Variants in KIF13B observed in about 807,000 individuals in gnomAD.
The protein encoded by KIF13B is kinesin-like protein KIF13B.
A neutral mutation model predicts 222.0 loss-of-function variants in KIF13B; 127 were observed. That is an observed-to-expected ratio of 0.57 (90% CI 0.50 to 0.66). The LOEUF (loss-of-function observed/expected upper bound fraction) is 0.66, where lower values mean the gene tolerates loss of function less well. Among genes scored for constraint, KIF13B ranks in the 30% least tolerant of loss-of-function variants. KIF13B has a pLI of 0.00. For missense variants in KIF13B, 2,173 were observed against 2,379.0 expected, an observed-to-expected ratio of 0.91 and a Z score of 1.80; for synonymous variants, 976 against 919.0, an observed-to-expected ratio of 1.06 and a Z score of -1.12.
At chr8:29,153,905 T>C (rs1032119325) in intron 14 of KIF13B, among the ~76,000 whole-genome samples, 1 of 152,152 alleles carries the variant, frequency 6.6e-6, no homozygotes, top group African/African-American at 2.4e-5. Flanking sequence ...TCTGTAAAGC[T>C]ATGGAGCATT....
chr8:29,142,482 A>C (rs756964702), intron 18 of KIF13B, among the ~76,000 whole-genome samples, 179 bp from the exon 19 acceptor site: 10 of 152,154 alleles, frequency 6.6e-5, no homozygotes, highest in Non-Finnish European at 1.2e-4. Context: ...ATACCTTCCT[A>C]CCCAAGTGCA....
chr8:29,080,342 A>AAC (rs1554591454), intron 37 of KIF13B, among the ~76,000 whole-genome samples: 3 of 151,428 alleles, frequency 2.0e-5, no homozygotes, highest in Non-Finnish European at 4.4e-5. Context: ...AAAAAAAAAA[A>AAC]AAAAAAACCA....
intron 2 of KIF13B, among the ~76,000 whole-genome samples, chr8:29,222,523 T>A (rs1814804770): frequency 1.4e-5 from 1 of 70,622 alleles, no homozygotes; most frequent in Middle Eastern, 5.4e-3. Context: ...GACTTTTTTT[T>A]TTTTTTTTTT....
chr8:29,257,650 T>A (rs1816534598), intron 1 of KIF13B, among the ~76,000 whole-genome samples: 1 of 152,042 alleles, frequency 6.6e-6, no homozygotes, highest in Non-Finnish European at 1.5e-5. Context: ...CTACAAAAAA[T>A]ATTGAAATTA....
intron 10 of KIF13B, among the ~76,000 whole-genome samples, chr8:29,168,443 C>G (rs1812097097): frequency 6.6e-6 from 1 of 152,266 alleles, no homozygotes; most frequent in African/African-American, 2.4e-5. Flanking sequence ...CGCCCACACC[C>G]TAGTACTCTC....
chr8:29,126,403 G>A (rs1400757428), intron 26 of KIF13B, 79 bp downstream of exon 26: 5 of 934,242 alleles, frequency 5.4e-6, no homozygotes, highest in Non-Finnish European at 8.4e-6. Context: ...TTAAATAACA[G>A]TATAGCCAGA....
At chr8:29,157,089 T>C (rs1027271787) in intron 13 of KIF13B, among the ~76,000 whole-genome samples, 1 of 151,986 alleles carries the variant, frequency 6.6e-6, no homozygotes, top group Non-Finnish European at 1.5e-5. Flanking sequence ...TTACAGATTT[T>C]TCCTCCAAGG....
intron 2 of KIF13B, among the ~76,000 whole-genome samples, chr8:29,223,374 T>C (rs1814856763): frequency 6.6e-6 from 1 of 150,704 alleles, no homozygotes; most frequent in Non-Finnish European, 1.5e-5. Flanking sequence ...ACATTTTCTG[T>C]ACAAGACAAC....
At chr8:29,240,849 C>T (rs1166943152) in intron 2 of KIF13B, among the ~76,000 whole-genome samples, 2 of 152,204 alleles carry the variant, frequency 1.3e-5, no homozygotes, top group Non-Finnish European at 2.9e-5. Context: ...AACTCTCACG[C>T]ATTGCTGGTG....
Position 29,146,467 on chromosome 8 carries a change from C to A in KIF13B, c.2098G>T (p.Ala700Ser), listed in dbSNP as rs1328066135. ...TCCAGCTCCTCAGCAATGTAATTAG[C>A]TTCTCTCACCAATAGATTGGCCTTA... The part of the protein sequence containing the change: ...IVKANLLVRE[A>S]NYIAEELDKR... Residue 700 changes from alanine to serine, a missense_variant, in exon 18 of 40, where the codon GCT becomes TCT. Ala to Ser is a moderately conservative substitution (Grantham distance 99). Coordinates refer to ENST00000524189, the MANE Select transcript of KIF13B (RefSeq NM_015254.4). 6.2e-7 allele frequency: 1 copy of A among 1,613,616 alleles called. No individual in the cohort carries two copies. The highest frequency in any genetic ancestry group is 8.5e-7 in the Non-Finnish European group (1 of 1,179,702).
chr8:29,160,239 C>T (rs895605926), intron 13 of KIF13B, among the ~76,000 whole-genome samples: 14 of 152,092 alleles, frequency 9.2e-5, no homozygotes, highest in Non-Finnish European at 1.8e-4. Flanking sequence ...ATAACCTATA[C>T]TCTCTCTCTT....
intron 13 of KIF13B, 84 bp from the exon 14 acceptor site, chr8:29,155,940 T>C: frequency 8.8e-7 from 1 of 1,141,526 alleles, no homozygotes; most frequent in Non-Finnish European, 1.3e-6. Flanking sequence ...CCTCTTATAT[T>C]GTCCTATTAC....
intron 35 of KIF13B, among the ~76,000 whole-genome samples, chr8:29,107,435 G>A (rs915743589): frequency 1.3e-5 from 2 of 152,088 alleles, no homozygotes; most frequent in Non-Finnish European, 2.9e-5. Context: ...GGCTGAGGCA[G>A]GAGAATCGCT....
intron 1 of KIF13B, among the ~76,000 whole-genome samples, chr8:29,250,336 C>T (rs1816225700): frequency 6.6e-6 from 1 of 152,200 alleles, no homozygotes. Context: ...CAAATACTGT[C>T]CTTCAGTATT....
intron 36 of KIF13B, among the ~76,000 whole-genome samples, chr8:29,093,794 C>T (rs1335950898): frequency 3.3e-5 from 5 of 151,484 alleles, no homozygotes; most frequent in Non-Finnish European, 5.9e-5. Context: ...ATCATGAGGG[C>T]GACCACTGAA....
chr8:29,075,321 T>G lies in KIF13B; in HGVS notation c.4481A>C (p.Gln1494Pro). The change falls in exon 38 of 40, where the codon CAG becomes CCG. Residue 1494 changes from glutamine (Q) to proline (P), a missense_variant. Physicochemically the swap from Gln to Pro is moderately conservative, Grantham distance 76. Around this residue, in one of 2 missense-constraint regions of KIF13B, gnomAD observed 693 missense variants for 656.2 expected, o/e 1.06. Transcript: ENST00000524189. ...CACCCTGATGTCCGGGCTGGCTGAC[T>G]GCACCATGATGCGGGGCACGGGCTG... ...AHQPVPRIMV[Q>P]SASPDIRVTR... The G allele has an allele frequency of 6.4e-7, 1 of 1,559,624 alleles. No homozygotes were observed. The highest frequency in any genetic ancestry group is 1.4e-5 in the African/African-American group (1 of 73,700).
intron 1 of KIF13B, among the ~76,000 whole-genome samples, chr8:29,261,518 G>A (rs908287215): frequency 2.0e-5 from 3 of 152,160 alleles, no homozygotes; most frequent in African/African-American, 7.2e-5. Flanking sequence ...TCAATTCCCA[G>A]ATAAGTTATG....
chr8:29,255,898 G>C (rs529995492), intron 1 of KIF13B, among the ~76,000 whole-genome samples: 235 of 152,196 alleles, frequency 1.5e-3, no homozygotes, highest in South Asian at 0.012. Context: ...GCTTTCACCT[G>C]ATTCTCCTGA....
chr8:29,245,407 C>T lies in KIF13B; in HGVS notation c.88G>A (p.Val30Met). The T allele has an allele frequency of 1.2e-6, 2 of 1,602,370 alleles. No homozygotes were observed. Among genetic ancestry groups the T allele is most frequent in the Non-Finnish European group, 1.7e-6 (2 of 1,173,632 alleles). Residue 30 changes from valine (V) to methionine (M), a missense_variant, in exon 2 of 40, where the codon GTG becomes ATG. This residue lies in a region of KIF13B where 1,480 missense variants were observed against 1,722.8 expected (regional missense o/e 0.86). Coordinates refer to ENST00000524189, the MANE Select transcript of KIF13B (RefSeq NM_015254.4). ...TTAAGAATAACCTTGTTTGCATCCA[C>T]ATCCACCACACATTTGGTATGCAAG... ...TDLHTKCVVD[V>M]DANKVILNPV...
Sources: gnomAD v4.1 joint callset for allele counts (sites outside exome capture counted in the v4.1 genomes callset) on GRCh38, gnomAD v4.1.1 for gene constraint, gnomAD v4.1.1 regional missense constraint, MANE v1.5 for transcripts, NCBI Gene and HGNC (gene_info 2026-07-23, HGNC 2026-07-21) for gene names.